Variants in ZNF804B observed in about 807,000 individuals in gnomAD.
ZNF804B encodes the protein zinc finger 804B.
ZNF804B carries 80 observed loss-of-function variants against 101.4 expected under a neutral mutation model. The observed-to-expected ratio is 0.79, with a 90% CI of 0.66 to 0.95. ZNF804B has a LOEUF of 0.95. Among genes scored for constraint, ZNF804B ranks in the 40% least tolerant of loss-of-function variants. The pLI, the probability that ZNF804B is intolerant of heterozygous loss-of-function variation, is 0.00. For missense variants in ZNF804B, 1,673 were observed against 1,561.9 expected (o/e 1.07, Z -1.20); for synonymous variants, 622 against 558.8 (o/e 1.11, Z -1.59).
intron 1 of ZNF804B, among the ~76,000 whole-genome samples, chr7:89,211,003 T>G (rs1788793809): frequency 6.6e-6 from 1 of 152,192 alleles, no homozygotes; most frequent in Admixed American, 6.5e-5. Flanking sequence ...TGACAGCAAC[T>G]GTTGTTTCTT....
Position 89,178,714 on chromosome 7 carries a change from G to A in ZNF804B, c.109-39441G>A, listed in dbSNP as rs148379170. On this transcript the variant is annotated intron_variant, in intron 1 of 3. Coordinates refer to ENST00000333190, the MANE Select transcript of ZNF804B (RefSeq NM_181646.5). ...TGAGAAGTTTAGATACCACAATTAC[G>A]GTGTTATAATATTCATATTTTTCTT... Among the ~76,000 whole-genome samples the A allele has an allele frequency of 5.5e-4, 83 of 152,032 alleles. 1 individual carries two copies. Among genetic ancestry groups the A allele is most frequent in the African/African-American group, 5.5e-4 (23 of 41,496 alleles).
At chr7:88,773,882 T>G (rs1243605778) in intron 1 of ZNF804B, among the ~76,000 whole-genome samples, 1 of 152,012 alleles carries the variant, frequency 6.6e-6, no homozygotes, top group Non-Finnish European at 1.5e-5. Flanking sequence ...CACAAAGCCA[T>G]GAGGGATCCG....
chr7:88,977,185 C>T (rs1472000708), intron 1 of ZNF804B, among the ~76,000 whole-genome samples: 3 of 145,240 alleles, frequency 2.1e-5, no homozygotes. Flanking sequence ...GATATTGGCC[C>T]ATAAATTCTT....
At chr7:89,082,562 A>G (rs1459105325) in intron 1 of ZNF804B, among the ~76,000 whole-genome samples, 1 of 151,764 alleles carries the variant, frequency 6.6e-6, no homozygotes, top group East Asian at 1.9e-4. Context: ...TCACCCACAT[A>G]TAGTAAAAAT....
chr7:88,827,662 A>G (rs532736312), intron 1 of ZNF804B, among the ~76,000 whole-genome samples: 8 of 152,044 alleles, frequency 5.3e-5, no homozygotes, highest in African/African-American at 1.7e-4. Flanking sequence ...ATTTGGCTCA[A>G]CCTAATTTAT....
intron 1 of ZNF804B, among the ~76,000 whole-genome samples, chr7:88,785,123 A>C (rs1790281357): frequency 6.6e-6 from 1 of 152,120 alleles, no homozygotes; most frequent in Non-Finnish European, 1.5e-5. Flanking sequence ...ATTGGACAGT[A>C]TAACGTTGAT....
At chr7:88,977,585 G>T (rs1793633674) in intron 1 of ZNF804B, among the ~76,000 whole-genome samples, 1 of 151,446 alleles carries the variant, frequency 6.6e-6, no homozygotes, top group Non-Finnish European at 1.5e-5. Context: ...AATATCCATA[G>T]TAATGTCTCT....
At chr7:88,875,731 A>T (rs570517299) in intron 1 of ZNF804B, among the ~76,000 whole-genome samples, 1 of 152,288 alleles carries the variant, frequency 6.6e-6, no homozygotes, top group Admixed American at 6.5e-5. Context: ...TACCAGAGGT[A>T]CAAGGAGGAA....
chr7:89,191,746 A>G (rs2115615372), intron 1 of ZNF804B, among the ~76,000 whole-genome samples: 1 of 152,234 alleles, frequency 6.6e-6, no homozygotes, highest in Middle Eastern at 3.4e-3. Flanking sequence ...AAAATTTACC[A>G]CCAGGACAAA....
At chr7:89,130,466 T>A (rs1790530814) in intron 1 of ZNF804B, among the ~76,000 whole-genome samples, 4 of 151,952 alleles carry the variant, frequency 2.6e-5, no homozygotes, top group Admixed American at 2.6e-4. Context: ...AGAGGGGGCA[T>A]CTGTCACATC....
intron 2 of ZNF804B, among the ~76,000 whole-genome samples, chr7:89,297,735 G>T (rs922801050): frequency 6.6e-6 from 1 of 151,818 alleles, no homozygotes; most frequent in Admixed American, 6.6e-5. Flanking sequence ...TGAAGATATG[G>T]ATGTAATATT....
intron 1 of ZNF804B, among the ~76,000 whole-genome samples, chr7:89,205,039 G>A (rs881637): frequency 0.59 from 89,360 of 151,984 alleles, 26,797 homozygotes; most frequent in African/African-American, 0.63. Context: ...AGGCGAATGA[G>A]GAGCAAGGTC....
At chr7:88,905,070 T>G (rs1792448011) in intron 1 of ZNF804B, among the ~76,000 whole-genome samples, 1 of 152,228 alleles carries the variant, frequency 6.6e-6, no homozygotes, top group Non-Finnish European at 1.5e-5. Flanking sequence ...TTTAGTATAA[T>G]GTTAGCTTTT....
chr7:88,911,126 G>A (rs952585929), intron 1 of ZNF804B, among the ~76,000 whole-genome samples: 2 of 151,910 alleles, frequency 1.3e-5, no homozygotes, highest in Non-Finnish European at 2.9e-5. Flanking sequence ...ACAATGTTAG[G>A]ATAACAGTTT....
At chr7:88,879,889 A>T (rs1204986190) in intron 1 of ZNF804B, among the ~76,000 whole-genome samples, 1 of 152,010 alleles carries the variant, frequency 6.6e-6, no homozygotes, top group South Asian at 2.1e-4. Flanking sequence ...AAATACAAAA[A>T]TTAGTCGGGT....
chr7:89,213,428 G>A (rs1423076785), intron 1 of ZNF804B, among the ~76,000 whole-genome samples: 1 of 152,128 alleles, frequency 6.6e-6, no homozygotes, highest in Non-Finnish European at 1.5e-5. Context: ...GCTCTGTGCT[G>A]GTATTACCCA....
chr7:88,886,831 A>G (rs946130949), intron 1 of ZNF804B, among the ~76,000 whole-genome samples: 11 of 151,804 alleles, frequency 7.2e-5, no homozygotes, highest in African/African-American at 2.7e-4. Flanking sequence ...AACATTTTTC[A>G]TATCTAGTAT....
At chr7:89,235,759 A>ATT (rs557208653) in intron 2 of ZNF804B, among the ~76,000 whole-genome samples, 6 of 147,516 alleles carry the variant, frequency 4.1e-5, no homozygotes, top group Admixed American at 1.4e-4. Flanking sequence ...TTAGGCCCCA[A>ATT]TTTTTTTTTT....
intron 1 of ZNF804B, among the ~76,000 whole-genome samples, chr7:88,903,575 G>A (rs1792423804): frequency 6.6e-6 from 1 of 152,176 alleles, no homozygotes; most frequent in Non-Finnish European, 1.5e-5. Flanking sequence ...CCCATCAACA[G>A]TGTAAAATCA....
Sources: gnomAD v4.1 joint callset for allele counts (sites outside exome capture counted in the v4.1 genomes callset) on GRCh38, gnomAD v4.1.1 for gene constraint, MANE v1.5 for transcripts, NCBI Gene and HGNC (gene_info 2026-07-23, HGNC 2026-07-21) for gene names.